Variants in CEP63 observed in about 807,000 individuals in gnomAD.
The protein encoded by CEP63 is centrosomal protein of 63 kDa.
In CEP63, 84 loss-of-function variants were observed where a neutral mutation model predicts 89.1. That is an observed-to-expected ratio of 0.94 (90% confidence interval 0.79 to 1.13). The LOEUF is 1.13. Among genes scored for constraint, CEP63 ranks in the 50% most tolerant of loss-of-function variants. CEP63 has a pLI of 0.00. For missense variants in CEP63, 838 were observed against 813.3 expected (o/e 1.03, Z -0.37); for synonymous variants, 267 against 272.5 (o/e 0.98, Z 0.20).
chr3:134,569,902 C>T (rs1957946353), downstream of CEP63, among the ~76,000 whole-genome samples: 2 of 152,238 alleles, frequency 1.3e-5, no homozygotes, highest in Non-Finnish European at 2.9e-5. Context: ...GGTTCCCAAA[C>T]CTCAATTCTT....
the CEP63 span, among the ~76,000 whole-genome samples, chr3:134,670,395 G>A: frequency 1.3e-5 from 2 of 152,178 alleles, no homozygotes; most frequent in Admixed American, 6.5e-5. Context: ...ATGCTCTGGG[G>A]GAATCTTAGA....
At chr3:134,697,745 G>T in the CEP63 span, among the ~76,000 whole-genome samples, 3 of 152,192 alleles carry the variant, frequency 2.0e-5, no homozygotes, top group Non-Finnish European at 2.9e-5. Context: ...TGTCAACTGT[G>T]TTGAGCTTTT....
the CEP63 span, among the ~76,000 whole-genome samples, chr3:134,772,799 A>G: frequency 1.3e-5 from 2 of 152,064 alleles, no homozygotes; most frequent in African/African-American, 4.8e-5. Context: ...TCCCAAGAGG[A>G]AGCAGAGAGC....
chr3:134,762,946 G>T, the CEP63 span, among the ~76,000 whole-genome samples: 1 of 152,090 alleles, frequency 6.6e-6, no homozygotes, highest in African/African-American at 2.4e-5. Context: ...TCTTCCAGGG[G>T]ACCCAGAAAG....
At position 134,559,139 on chromosome 3, in the gene CEP63, C is replaced by T; in HGVS notation, c.1674-11C>T. On this transcript the variant is annotated splice_polypyrimidine_tract_variant and intron_variant, in intron 13 of 14. Coordinates refer to ENST00000675561, the MANE Select transcript of CEP63 (RefSeq NM_001353108.3). ...TTTTTTATTTGTTTTGTTTTCTAAT[C>T]TACCATCCAGGCCAACCCATGGCCA... 1 of 1,613,306 alleles carries T rather than the reference C, an allele frequency of 6.2e-7. No individual in the cohort carries two copies. Among genetic ancestry groups the T allele is most frequent in the Non-Finnish European group, 8.5e-7 (1 of 1,179,744 alleles).
At chr3:134,540,248 T>C (rs1951722907) in intron 6 of CEP63, among the ~76,000 whole-genome samples, 2 of 152,194 alleles carry the variant, frequency 1.3e-5, no homozygotes, top group Admixed American at 6.5e-5. Context: ...AAATATGACA[T>C]GTCAACAGAT....
chr3:134,569,914 T>A (rs546263138), downstream of CEP63, among the ~76,000 whole-genome samples: 4 of 152,328 alleles, frequency 2.6e-5, no homozygotes, highest in African/African-American at 7.2e-5. Flanking sequence ...TCAATTCTTG[T>A]CTTCTACACA....
the CEP63 span, among the ~76,000 whole-genome samples, chr3:134,736,374 A>G: frequency 6.6e-6 from 1 of 152,164 alleles, no homozygotes; most frequent in African/African-American, 2.4e-5. Flanking sequence ...CAGCAAAAGA[A>G]AAGGTAATTG....
the CEP63 span, among the ~76,000 whole-genome samples, chr3:134,644,891 T>C: frequency 4.6e-5 from 7 of 152,150 alleles, no homozygotes; most frequent in Non-Finnish European, 1.0e-4. Flanking sequence ...AAGGGCTAGG[T>C]CCACTGTGTA....
At chr3:134,697,101 TG>T in the CEP63 span, among the ~76,000 whole-genome samples, 2 of 152,136 alleles carry the variant, frequency 1.3e-5, no homozygotes, top group African/African-American at 4.8e-5. Context: ...CCAACTCCCT[TG>T]AGGAATTATT....
the CEP63 span, among the ~76,000 whole-genome samples, chr3:134,668,972 C>T: frequency 3.3e-5 from 5 of 152,040 alleles, no homozygotes; most frequent in Non-Finnish European, 7.4e-5. Context: ...CTGACTGGTG[C>T]GGTCTAAGGA....
chr3:134,579,658 A>T (rs368604128), downstream of CEP63, among the ~76,000 whole-genome samples: 13 of 152,324 alleles, frequency 8.5e-5, no homozygotes, highest in South Asian at 2.7e-3. Context: ...AAAGGGTAAG[A>T]GTTCTTTATA....
chr3:134,668,278 C>A, the CEP63 span, among the ~76,000 whole-genome samples: 1 of 152,222 alleles, frequency 6.6e-6, no homozygotes, highest in Non-Finnish European at 1.5e-5. Context: ...TGTGTAAACC[C>A]AAGTCTGCAC....
chr3:134,778,296 C>T, the CEP63 span, among the ~76,000 whole-genome samples: 4 of 151,804 alleles, frequency 2.6e-5, no homozygotes, highest in Non-Finnish European at 5.9e-5. Flanking sequence ...GGGGTTTCAC[C>T]ATGTTGGCCA....
At chr3:134,487,203 TTC>T (rs1209297482) in intron 1 of CEP63, among the ~76,000 whole-genome samples, 1 of 152,242 alleles carries the variant, frequency 6.6e-6, no homozygotes, top group East Asian at 1.9e-4. Context: ...TTGATTAGAT[TTC>T]TGTTAGCTGT....
the CEP63 span, chr3:134,603,530 G>A: frequency 6.6e-7 from 1 of 1,505,596 alleles, no homozygotes; most frequent in South Asian, 1.3e-5. Context: ...GCCCTCCCTG[G>A]GGAGGTCTGG....
chr3:134,767,843 C>G, the CEP63 span, among the ~76,000 whole-genome samples: 1 of 152,148 alleles, frequency 6.6e-6, no homozygotes, highest in Non-Finnish European at 1.5e-5. Context: ...AGGTGCAGAA[C>G]TGGATTGTCA....
At chr3:134,729,280 G>A in the CEP63 span, among the ~76,000 whole-genome samples, 1 of 152,060 alleles carries the variant, frequency 6.6e-6, no homozygotes, top group African/African-American at 2.4e-5. Flanking sequence ...AAGTTCTTGT[G>A]TATTGTTTAT....
the CEP63 span, among the ~76,000 whole-genome samples, chr3:134,606,527 C>A: frequency 6.6e-6 from 1 of 152,342 alleles, no homozygotes; most frequent in East Asian, 1.9e-4. Flanking sequence ...AGGCTGAGTT[C>A]CCTGGCAGCT....
Sources: gnomAD v4.1 joint callset for allele counts (sites outside exome capture counted in the v4.1 genomes callset) on GRCh38, gnomAD v4.1.1 for gene constraint, MANE v1.5 for transcripts, NCBI Gene and HGNC (gene_info 2026-07-23, HGNC 2026-07-21) for gene names.